Variants in ZBTB7C observed in about 807,000 individuals in gnomAD.
ZBTB7C encodes zinc finger and BTB domain-containing protein 7C.
In ZBTB7C, 8 loss-of-function variants were observed where a neutral mutation model predicts 25.7. That is an observed-to-expected ratio of 0.31 (90% confidence interval 0.18 to 0.56). ZBTB7C has a LOEUF of 0.56. ZBTB7C is among the 20% of genes least tolerant of loss of function. The probability of loss-of-function intolerance (pLI) is 0.91; values close to 1 mark genes in which losing one functional copy is unlikely to be tolerated. For synonymous variants in ZBTB7C, 394 were observed against 369.0 expected (o/e 1.07, Z -0.78); for missense variants, 824 against 855.2 (o/e 0.96, Z 0.46).
At chr18:48,334,202 C>T (rs1345940778) in intron 2 of ZBTB7C, among the ~76,000 whole-genome samples, 1 of 152,082 alleles carries the variant, frequency 6.6e-6, no homozygotes, top group Admixed American at 6.5e-5. Context: ...TGGCTAGAGA[C>T]CCCCCACACA....
chr18:48,045,580 A>T (rs2036436010), intron 3 of ZBTB7C, among the ~76,000 whole-genome samples: 1 of 152,112 alleles, frequency 6.6e-6, no homozygotes, highest in South Asian at 2.1e-4. Context: ...GCCTTTGTTC[A>T]TGCTGAACTC....
intron 3 of ZBTB7C, among the ~76,000 whole-genome samples, chr18:48,042,191 C>T (rs2036277588): frequency 6.6e-6 from 1 of 152,180 alleles, no homozygotes; most frequent in Admixed American, 6.5e-5. Context: ...GCCAGTAAAG[C>T]CCCTTCCTCA....
intron 3 of ZBTB7C, among the ~76,000 whole-genome samples, chr18:48,111,191 C>T (rs2039226500): frequency 6.6e-6 from 1 of 152,120 alleles, no homozygotes; most frequent in Non-Finnish European, 1.5e-5. Context: ...CCCACCCCAT[C>T]CTTTCTCATG....
chr18:48,326,724 G>A (rs368731744), intron 2 of ZBTB7C, among the ~76,000 whole-genome samples: 6 of 152,166 alleles, frequency 3.9e-5, no homozygotes, highest in African/African-American at 1.4e-4. Context: ...GTTTTATAGG[G>A]TAAAATGGAA....
chr18:48,412,110 C>G (rs2048386671), upstream of ZBTB7C, among the ~76,000 whole-genome samples: 1 of 152,192 alleles, frequency 6.6e-6, no homozygotes, highest in Non-Finnish European at 1.5e-5. Context: ...CATAGAGATG[C>G]TGGAATGGTC....
At chr18:48,222,906 G>A (rs575984239) in intron 2 of ZBTB7C, among the ~76,000 whole-genome samples, 1 of 152,280 alleles carries the variant, frequency 6.6e-6, no homozygotes, top group Non-Finnish European at 1.5e-5. Flanking sequence ...GAGGAGAGGG[G>A]AAGAGGCAGA....
chr18:48,303,104 G>A (rs186115930), intron 2 of ZBTB7C, among the ~76,000 whole-genome samples: 1 of 152,188 alleles, frequency 6.6e-6, no homozygotes, highest in Non-Finnish European at 1.5e-5. Context: ...AGACCAATTT[G>A]CACCTTCTGT....
At chr18:48,167,842 G>A (rs28565057) in intron 3 of ZBTB7C, among the ~76,000 whole-genome samples, 2,236 of 152,216 alleles carry the variant, frequency 0.015, 58 homozygotes, top group African/African-American at 0.051. Flanking sequence ...TACACAGAAC[G>A]GTATGTTTGA....
At chr18:48,132,995 C>A (rs534751868) in intron 3 of ZBTB7C, among the ~76,000 whole-genome samples, 2 of 152,186 alleles carry the variant, frequency 1.3e-5, no homozygotes, top group African/African-American at 4.8e-5. Flanking sequence ...CGACATAGAT[C>A]ATGTGCCGTA....
At chr18:48,063,541 G>A (rs576940386) in intron 3 of ZBTB7C, among the ~76,000 whole-genome samples, 1 of 152,332 alleles carries the variant, frequency 6.6e-6, no homozygotes, top group South Asian at 2.1e-4. Context: ...ATTTAAACAG[G>A]GAGAAAAGGG....
intron 2 of ZBTB7C, among the ~76,000 whole-genome samples, chr18:48,313,394 T>C (rs2045868720): frequency 6.6e-6 from 1 of 152,208 alleles, no homozygotes; most frequent in Admixed American, 6.5e-5. Flanking sequence ...ATCACCTTGG[T>C]GCTTAGGCCC....
At chr18:48,326,880 T>C (rs2046232676) in intron 2 of ZBTB7C, among the ~76,000 whole-genome samples, 1 of 152,224 alleles carries the variant, frequency 6.6e-6, no homozygotes. Flanking sequence ...ATTTTCATGT[T>C]TTGCCTATTC....
chr18:48,138,011 ATTTAATGCCT>A (rs1327728897), intron 3 of ZBTB7C, among the ~76,000 whole-genome samples: 1 of 152,268 alleles, frequency 6.6e-6, no homozygotes, highest in African/African-American at 2.4e-5. Context: ...GGAAATAACC[ATTTAATGCCT>A]TGATACCTCT....
chr18:48,073,413 G>A (rs897578634), intron 3 of ZBTB7C, among the ~76,000 whole-genome samples: 3 of 152,140 alleles, frequency 2.0e-5, no homozygotes, highest in Non-Finnish European at 2.9e-5. Context: ...TCACCCTGGC[G>A]GGGAGGGCGG....
At chr18:48,067,621 C>T (rs7504587) in intron 3 of ZBTB7C, among the ~76,000 whole-genome samples, 25,810 of 152,142 alleles carry the variant, frequency 0.17, 2,396 homozygotes, top group Admixed American at 0.26. Flanking sequence ...AGCTGCAACA[C>T]CAACTCTCCC....
chr18:48,327,689 A>T (rs532199747), intron 2 of ZBTB7C, among the ~76,000 whole-genome samples: 1 of 152,256 alleles, frequency 6.6e-6, no homozygotes, highest in South Asian at 2.1e-4. Flanking sequence ...TCAGCTGAGG[A>T]TGGAGGCTTC....
intron 3 of ZBTB7C, among the ~76,000 whole-genome samples, chr18:48,097,395 T>C (rs1361181273): frequency 2.0e-5 from 3 of 149,804 alleles, no homozygotes; most frequent in African/African-American, 7.3e-5. Context: ...ATTATTATTA[T>C]TATTATTATT....
chr18:48,206,232 T>C (rs2042573570), intron 2 of ZBTB7C, among the ~76,000 whole-genome samples: 1 of 152,192 alleles, frequency 6.6e-6, no homozygotes, highest in African/African-American at 2.4e-5. Context: ...GTATGGTGTA[T>C]AGGTTCAAGT....
chr18:48,333,754 G>A (rs1035630145), intron 2 of ZBTB7C, among the ~76,000 whole-genome samples: 2 of 152,176 alleles, frequency 1.3e-5, no homozygotes, highest in African/African-American at 2.4e-5. Context: ...TAAAGGGGGC[G>A]GGGGCTCTCC....
Sources: gnomAD v4.1 joint callset for allele counts (sites outside exome capture counted in the v4.1 genomes callset) on GRCh38, gnomAD v4.1.1 for gene constraint, MANE v1.5 for transcripts, NCBI Gene and HGNC (gene_info 2026-07-23, HGNC 2026-07-21) for gene names.